The following DNAH14 variants were observed in gnomAD, a reference collection of about 807,000 sequenced individuals.
DNAH14 encodes the protein dynein axonemal heavy chain 14.
In DNAH14, 478 loss-of-function variants were observed where a neutral mutation model predicts 520.9. The observed-to-expected ratio is 0.92, with a 90% CI of 0.85 to 0.99. The LOEUF is 0.99. Ranked by LOEUF, DNAH14 falls within the 50% of genes least tolerant of loss-of-function variation. The pLI, the probability that DNAH14 is intolerant of heterozygous loss-of-function variation, is 0.00. For missense variants in DNAH14, 4,831 were observed against 5,234.5 expected (o/e 0.92, Z 2.38); for synonymous variants, 1,581 against 1,757.2 (o/e 0.90, Z 2.51).
At position 225,346,209 on chromosome 1, in the gene DNAH14, A is replaced by G; in HGVS notation, c.10926A>G (p.Val3642=). Residue 3642 remains valine, a synonymous_variant, in exon 70 of 86, where the codon GTA becomes GTG. Coordinates refer to ENST00000682510, the MANE Select transcript of DNAH14 (RefSeq NM_001367479.1). ...DWFHQVFVSS[V]VSKSKEQEHS... ...TTCATCAGGTTTTTGTTTCATCAGT[A>G]GTTTCCAAAAGCAAAGAACAAGAAC... 1 of 1,551,642 alleles carries G rather than the reference A, an allele frequency of 6.4e-7. No homozygotes were observed. Among genetic ancestry groups the G allele is most frequent in the Non-Finnish European group, 8.7e-7 (1 of 1,146,954 alleles).
At chr1:225,329,848 A>C (rs1039016301) in intron 64 of DNAH14, among the ~76,000 whole-genome samples, 1 of 152,164 alleles carries the variant, frequency 6.6e-6, no homozygotes, top group Non-Finnish European at 1.5e-5. Flanking sequence ...GGAAACACTC[A>C]ACAAAGTGAA....
intron 8 of DNAH14, among the ~76,000 whole-genome samples, chr1:224,983,035 G>C (rs2062383766): frequency 6.6e-6 from 1 of 152,130 alleles, no homozygotes; most frequent in African/African-American, 2.4e-5. Flanking sequence ...TACCTGTCTA[G>C]TGCTGTCAGT....
At chr1:225,340,331 C>A in intron 68 of DNAH14, 126 bp from the exon 69 acceptor site, 1 of 1,015,118 alleles carries the variant, frequency 9.9e-7, no homozygotes, top group Non-Finnish European at 1.4e-6. Context: ...ACTTTGTATA[C>A]AAAGCTGAAA....
rs2095885187 is a variant in DNAH14, at chr1:225,389,986, C to T, written c.13330+113C>T. The T allele has an allele frequency of 6.4e-6, 6 of 938,726 alleles. No homozygotes were observed. In the South Asian group the frequency reaches 8.4e-5, roughly 13 times the overall value. The allele number at this position is 938,726 out of a possible 1,614,324, so 58.1% of individuals were successfully genotyped here. ...TTTAGGATGACAACACCTGCGCCTC[C>T]ACAGGTGCCTGGGTCTCTAGTGTGC... On this transcript the variant is annotated intron_variant, in intron 83 of 85. Coordinates refer to ENST00000682510, the MANE Select transcript of DNAH14 (RefSeq NM_001367479.1).
chr1:225,278,415 C>G (rs1250273138), intron 54 of DNAH14, among the ~76,000 whole-genome samples: 2 of 152,160 alleles, frequency 1.3e-5, no homozygotes, highest in Admixed American at 1.3e-4. Context: ...TTCTCTGCAT[C>G]TCCACAGCCA....
chr1:224,943,330 C>T (rs373816749), intron 1 of DNAH14, among the ~76,000 whole-genome samples: 6 of 152,226 alleles, frequency 3.9e-5, no homozygotes, highest in South Asian at 2.1e-4. Context: ...TCTGTGGGAT[C>T]GGTGGTGATA....
At chr1:225,375,091 G>A (rs377344167) in intron 78 of DNAH14, among the ~76,000 whole-genome samples, 1 of 151,820 alleles carries the variant, frequency 6.6e-6, no homozygotes, top group Non-Finnish European at 1.5e-5. Flanking sequence ...TTTAAAAATC[G>A]TTCATGTCCT....
Position 224,929,796 on chromosome 1 carries a change from C to T in DNAH14, c.-73C>T, listed in dbSNP as rs1179438152. 1.0e-5 allele frequency: 7 copies of T among 699,994 alleles called. No individual in the cohort carries two copies. The African/African-American group carries it at 1.0e-4, about 10-fold the overall frequency. The allele number at this position is 699,994 out of a possible 1,614,324, so 43.4% of individuals were successfully genotyped here. A position where few individuals can be genotyped will look rare whatever the true frequency, so the allele number is the denominator to read the frequency against. ...GGGCGGGCCGGACCTTCGCCGCTTC[C>T]AGGAAGGGCCACAACGGCCGTCGGA... On this transcript the variant is annotated 5_prime_UTR_variant, in exon 1 of 86. Coordinates refer to ENST00000682510, the MANE Select transcript of DNAH14 (RefSeq NM_001367479.1).
intron 44 of DNAH14, among the ~76,000 whole-genome samples, chr1:225,255,021 C>T (rs1205024484): frequency 6.6e-6 from 1 of 152,188 alleles, no homozygotes; most frequent in African/African-American, 2.4e-5. Context: ...GAGGCTCTCT[C>T]TTCTGGAATC....
At chr1:225,366,159 A>C (rs922532151) in intron 76 of DNAH14, among the ~76,000 whole-genome samples, 1 of 152,244 alleles carries the variant, frequency 6.6e-6, no homozygotes, top group Non-Finnish European at 1.5e-5. Flanking sequence ...TAAGACTATA[A>C]CTATGATATA....
At chr1:225,276,963 AAGGAAGGAAGGAAGGAAGGAAGGGAGGG>A (rs1463572386) in intron 53 of DNAH14, among the ~76,000 whole-genome samples, 5 of 50,078 alleles carry the variant, frequency 1.0e-4, no homozygotes, top group East Asian at 9.8e-4. Context: ...GGAAGGAAGG[AAGGAAGGAAGGAAGGAAGGAAGGGAGGG>A]AGGAAGGAAG....
At chr1:224,948,894 A>G (rs2125465886) in intron 1 of DNAH14, among the ~76,000 whole-genome samples, 1 of 152,272 alleles carries the variant, frequency 6.6e-6, no homozygotes, top group South Asian at 2.1e-4. Context: ...ATTTAGTTCC[A>G]TCTCACTTTT....
intron 46 of DNAH14, among the ~76,000 whole-genome samples, chr1:225,260,998 T>C (rs554010555): frequency 6.6e-6 from 1 of 152,358 alleles, no homozygotes; most frequent in East Asian, 1.9e-4. Context: ...TTTGTATATC[T>C]TGCAACTTTA....
At chr1:224,974,226 T>C in intron 8 of DNAH14, 73 bp downstream of exon 8, 1 of 982,974 alleles carries the variant, frequency 1.0e-6, no homozygotes, top group Non-Finnish European at 1.4e-6. Flanking sequence ...TGGAAGCAGA[T>C]ATAATTTCAT....
intron 64 of DNAH14, among the ~76,000 whole-genome samples, chr1:225,330,421 T>C (rs1360663540): frequency 6.6e-6 from 1 of 152,176 alleles, no homozygotes; most frequent in Non-Finnish European, 1.5e-5. Flanking sequence ...CATCAACAGA[T>C]GAATGGATAA....
intron 11 of DNAH14, among the ~76,000 whole-genome samples, chr1:225,034,695 T>A (rs1425331593): frequency 6.6e-6 from 1 of 152,104 alleles, no homozygotes; most frequent in African/African-American, 2.4e-5. Flanking sequence ...GACTGTGATT[T>A]CATCAGGTCC....
intron 72 of DNAH14, among the ~76,000 whole-genome samples, chr1:225,352,987 T>C (rs910049743): frequency 2.6e-5 from 4 of 152,158 alleles, no homozygotes; most frequent in Non-Finnish European, 5.9e-5. Flanking sequence ...AAAAGAATTC[T>C]TTATTGACCC....
chr1:225,273,669 C>T (rs1034058819), intron 52 of DNAH14, among the ~76,000 whole-genome samples: 2 of 152,170 alleles, frequency 1.3e-5, no homozygotes, highest in Non-Finnish European at 2.9e-5. Flanking sequence ...TCATTTTTCT[C>T]CAGGACTCAC....
Position 225,239,115 on chromosome 1 carries a change from G to T in DNAH14, c.6519-1478G>T, listed in dbSNP as rs376471594. 3.8e-4 allele frequency among the ~76,000 whole-genome samples: 58 copies of T among 152,130 alleles called. 1 individual carries two copies. The highest frequency in any genetic ancestry group is 9.6e-4 in the East Asian group (5 of 5,190). On this transcript the variant is annotated intron_variant, in intron 42 of 85. Coordinates refer to ENST00000682510, the MANE Select transcript of DNAH14 (RefSeq NM_001367479.1). The stretch of plus-strand genomic sequence containing the variant: ...TGGGTCTTAACTCGTGAGGTGCCTT[G>T]GAAGTGGGGCCCAGAGAACGATGCT...
Sources: gnomAD v4.1 joint callset for allele counts (sites outside exome capture counted in the v4.1 genomes callset) on GRCh38, gnomAD v4.1.1 for gene constraint, MANE v1.5 for transcripts, NCBI Gene and HGNC (gene_info 2026-07-23, HGNC 2026-07-21) for gene names.